KAZN: variants seen among roughly 807,000 people sequenced by gnomAD.
KAZN encodes the protein kazrin.
KAZN carries 40 observed loss-of-function variants against 87.4 expected under a neutral mutation model. That is an observed-to-expected ratio of 0.46 (90% CI 0.36 to 0.60). The LOEUF (loss-of-function observed/expected upper bound fraction) is 0.60. Ranked by LOEUF, KAZN falls within the 20% of genes least tolerant of loss-of-function variation. The pLI, the probability that KAZN is intolerant of heterozygous loss-of-function variation, is 0.00. For missense variants in KAZN, 898 were observed against 1,073.9 expected (o/e 0.84, Z 2.29); for synonymous variants, 466 against 458.3 (o/e 1.02, Z -0.22).
intron 2 of KAZN, among the ~76,000 whole-genome samples, chr1:14,481,491 C>T (rs1669081576): frequency 6.6e-6 from 1 of 152,092 alleles, no homozygotes; most frequent in Non-Finnish European, 1.5e-5. Context: ...AGTTCTATCT[C>T]CTGAACCTCA....
chr1:14,573,620 C>G (rs2148549295), intron 2 of KAZN, among the ~76,000 whole-genome samples: 1 of 152,206 alleles, frequency 6.6e-6, no homozygotes, highest in Non-Finnish European at 1.5e-5. Flanking sequence ...GCACTCCAGC[C>G]TGCATGATAC....
chr1:14,959,436 G>C (rs1360869242), intron 1 of KAZN, among the ~76,000 whole-genome samples: 1 of 152,148 alleles, frequency 6.6e-6, no homozygotes, highest in African/African-American at 2.4e-5. Flanking sequence ...AAGAGGGAGA[G>C]GATGTAGGCA....
At chr1:14,869,425 G>C (rs1651902507) in intron 1 of KAZN, among the ~76,000 whole-genome samples, 1 of 152,194 alleles carries the variant, frequency 6.6e-6, no homozygotes, top group Non-Finnish European at 1.5e-5. Context: ...GCTGCATGCT[G>C]GAGACTAGTC....
chr1:14,547,243 A>G (rs11576928), intron 2 of KAZN, among the ~76,000 whole-genome samples: 18,751 of 152,162 alleles, frequency 0.12, 1,489 homozygotes, highest in East Asian at 0.18. Flanking sequence ...TGTCCTGCCT[A>G]TATTTGGAAT....
chr1:14,359,553 CGTTTTTGCAGTGGCTGGTACTG>C (rs1174198759), intron 2 of KAZN, among the ~76,000 whole-genome samples: 2 of 152,086 alleles, frequency 1.3e-5, no homozygotes, highest in Non-Finnish European at 2.9e-5. Context: ...CAATTTGGCA[CGTTTTTGCAGTGGCTGGTACTG>C]GTTTTTCCTT....
At chr1:14,409,398 C>T (rs550565865) in intron 2 of KAZN, among the ~76,000 whole-genome samples, 1 of 152,292 alleles carries the variant, frequency 6.6e-6, no homozygotes, top group South Asian at 2.1e-4. Context: ...TGGAGGAAAA[C>T]CACCTACCTG....
intron 2 of KAZN, among the ~76,000 whole-genome samples, chr1:14,328,748 G>GAAAAAA (rs3084955): frequency 1.8e-5 from 1 of 55,940 alleles, no homozygotes. Context: ...ATCCCTAACT[G>GAAAAAA]AAAAAAAAAA....
intron 2 of KAZN, among the ~76,000 whole-genome samples, chr1:14,208,813 G>T (rs1278105498): frequency 6.6e-6 from 1 of 152,142 alleles, no homozygotes; most frequent in African/African-American, 2.4e-5. Flanking sequence ...ATAACTTGAG[G>T]GGTTGAGTCA....
chr1:14,928,322 G>A (rs557904492), intron 1 of KAZN, among the ~76,000 whole-genome samples: 18 of 152,188 alleles, frequency 1.2e-4, no homozygotes, highest in Admixed American at 4.6e-4. Flanking sequence ...GTTGGCGGGC[G>A]CCTGTAGTCC....
At chr1:14,149,269 T>C (rs1014860602) in intron 1 of KAZN, among the ~76,000 whole-genome samples, 3 of 118,752 alleles carry the variant, frequency 2.5e-5, no homozygotes, top group African/African-American at 6.7e-5. Context: ...GCCCAGCTAA[T>C]TTTTTGTATT....
chr1:14,263,960 A>G (rs1651278364), intron 2 of KAZN, among the ~76,000 whole-genome samples: 1 of 152,214 alleles, frequency 6.6e-6, no homozygotes, highest in Non-Finnish European at 1.5e-5. Flanking sequence ...CTCCTGGGCT[A>G]TCTCAGCTAT....
intron 1 of KAZN, among the ~76,000 whole-genome samples, chr1:14,133,379 AAGAAAGAAAGAAAGAAAGAAAG>A (rs1357108298): frequency 1.3e-4 from 12 of 95,112 alleles, no homozygotes; most frequent in African/African-American, 4.4e-4. Context: ...AAAAAAAAAA[AAGAAAGAAAGAAAGAAAGAAAG>A]AAAGAAAGAA....
chr1:14,037,760 C>T (rs950725792), intron 1 of KAZN, among the ~76,000 whole-genome samples: 14 of 152,168 alleles, frequency 9.2e-5, no homozygotes, highest in African/African-American at 3.4e-4. Context: ...TGAAGTCTCC[C>T]AGCCGTGCTG....
chr1:14,847,169 T>G (rs1553144095), intron 1 of KAZN, among the ~76,000 whole-genome samples: 1 of 152,232 alleles, frequency 6.6e-6, no homozygotes, highest in Non-Finnish European at 1.5e-5. Flanking sequence ...TTTAAAAGCT[T>G]ATACAATTCC....
intron 2 of KAZN, among the ~76,000 whole-genome samples, chr1:14,514,429 A>T (rs1671143950): frequency 3.3e-5 from 1 of 30,674 alleles, no homozygotes; most frequent in East Asian, 9.3e-4. Flanking sequence ...TATATATAAT[A>T]TATATAATTG....
At chr1:14,470,817 C>A (rs60212092) in intron 2 of KAZN, among the ~76,000 whole-genome samples, 1 of 152,122 alleles carries the variant, frequency 6.6e-6, no homozygotes, top group East Asian at 1.9e-4. Flanking sequence ...CCATGACTCT[C>A]GGCTTTGGGT....
intron 2 of KAZN, among the ~76,000 whole-genome samples, chr1:14,440,742 G>T (rs1442977688): frequency 1.3e-5 from 2 of 152,182 alleles, no homozygotes; most frequent in East Asian, 1.9e-4. Context: ...TTTTGGCAGA[G>T]GGGATGCCGT....
chr1:14,829,056 TTCATGA>T (rs1269945002), intron 1 of KAZN, among the ~76,000 whole-genome samples: 1 of 152,174 alleles, frequency 6.6e-6, no homozygotes, highest in Non-Finnish European at 1.5e-5. Context: ...AAGCCATTAG[TTCATGA>T]TCCTTCACCT....
chr1:14,967,385 C>T (rs1664575393), intron 2 of KAZN, among the ~76,000 whole-genome samples: 1 of 152,180 alleles, frequency 6.6e-6, no homozygotes, highest in Admixed American at 6.5e-5. Flanking sequence ...GGTTCAGTCT[C>T]CGCATCCTCT....
Sources: gnomAD v4.1 joint callset for allele counts (sites outside exome capture counted in the v4.1 genomes callset) on GRCh38, gnomAD v4.1.1 for gene constraint, MANE v1.5 for transcripts, NCBI Gene and HGNC (gene_info 2026-07-23, HGNC 2026-07-21) for gene names.